Variants in SBF2 observed in about 807,000 individuals in gnomAD.
SBF2 encodes the protein myotubularin-related protein 13.
SBF2 carries 112 observed loss-of-function variants against 225.2 expected under a neutral mutation model. The observed-to-expected ratio is 0.50, with a 90% confidence interval of 0.43 to 0.58. SBF2 has a LOEUF of 0.58. Among genes scored for constraint, SBF2 ranks in the 20% least tolerant of loss-of-function variants. SBF2 has a pLI of 0.00. For synonymous variants in SBF2, 763 were observed against 773.3 expected (o/e 0.99, Z 0.22); for missense variants, 1,996 against 2,206.2 (o/e 0.90, Z 1.91).
intron 2 of SBF2, among the ~76,000 whole-genome samples, chr11:10,066,733 C>A (rs1950638011): frequency 6.6e-6 from 1 of 152,114 alleles, no homozygotes. Flanking sequence ...TCTTCTATCA[C>A]CACTTGTATT....
chr11:9,823,602 C>A (rs1017621509), intron 28 of SBF2, among the ~76,000 whole-genome samples: 1 of 151,906 alleles, frequency 6.6e-6, no homozygotes, highest in Non-Finnish European at 1.5e-5. Context: ...TACTGTGAGT[C>A]GGTACAAGGA....
At chr11:10,181,469 T>C (rs1956733099) in intron 2 of SBF2, among the ~76,000 whole-genome samples, 1 of 152,140 alleles carries the variant, frequency 6.6e-6, no homozygotes, top group South Asian at 2.1e-4. Flanking sequence ...AATTTCTACA[T>C]GCAGTTCAGA....
intron 8 of SBF2, among the ~76,000 whole-genome samples, chr11:10,000,424 T>C (rs1297315245): frequency 1.3e-5 from 2 of 152,200 alleles, no homozygotes; most frequent in African/African-American, 2.4e-5. Flanking sequence ...CTGGCTTGAA[T>C]ATAGAGTATA....
intron 16 of SBF2, among the ~76,000 whole-genome samples, chr11:9,911,980 C>T (rs1481825784): frequency 6.6e-6 from 1 of 152,198 alleles, no homozygotes; most frequent in Non-Finnish European, 1.5e-5. Context: ...TTCAATGTGC[C>T]CAACACAATT....
At chr11:9,813,213 TTTC>T (rs1330235141) in intron 29 of SBF2, among the ~76,000 whole-genome samples, 5 of 152,240 alleles carry the variant, frequency 3.3e-5, no homozygotes, top group Admixed American at 6.5e-5. Flanking sequence ...CACATATTTG[TTTC>T]TTATTATGCA....
chr11:10,203,547 G>GAA (rs1346882089), intron 1 of SBF2, among the ~76,000 whole-genome samples: 2 of 152,272 alleles, frequency 1.3e-5, no homozygotes, highest in African/African-American at 2.4e-5. Flanking sequence ...CAGCAATCAA[G>GAA]AGAGTAAAAT....
At chr11:10,253,118 C>CAAAAAAAAAAAAAAAAAA (rs546522229) in intron 1 of SBF2, among the ~76,000 whole-genome samples, 3 of 77,252 alleles carry the variant, frequency 3.9e-5, no homozygotes, top group Admixed American at 1.6e-4. Context: ...AGGTAAATAC[C>CAAAAAAAAAAAAAAAAAA]AAAAAAAAAA....
At chr11:10,052,423 C>T (rs1169159048) in intron 2 of SBF2, among the ~76,000 whole-genome samples, 4 of 152,160 alleles carry the variant, frequency 2.6e-5, no homozygotes, top group Non-Finnish European at 4.4e-5. Flanking sequence ...AACAACGTAT[C>T]TGGGAACAGG....
intron 6 of SBF2, among the ~76,000 whole-genome samples, chr11:10,027,175 G>A (rs191973543): frequency 1.3e-5 from 2 of 152,188 alleles, no homozygotes; most frequent in Admixed American, 1.3e-4. Context: ...TTGCATAGTA[G>A]ATATCTTGAA....
intron 2 of SBF2, among the ~76,000 whole-genome samples, chr11:10,146,325 T>A (rs1198856672): frequency 6.6e-6 from 1 of 152,108 alleles, no homozygotes; most frequent in African/African-American, 2.4e-5. Context: ...CAAACTATAC[T>A]ACAGGGCTAC....
intron 32 of SBF2, among the ~76,000 whole-genome samples, chr11:9,804,667 C>G (rs183187709): frequency 2.0e-5 from 3 of 152,118 alleles, no homozygotes; most frequent in Admixed American, 2.0e-4. Context: ...TGGTTTTGCC[C>G]TTTTTAGAAT....
At chr11:10,232,544 A>G (rs1436102187) in intron 1 of SBF2, among the ~76,000 whole-genome samples, 1 of 149,608 alleles carries the variant, frequency 6.7e-6, no homozygotes, top group Non-Finnish European at 1.5e-5. Context: ...TCTTTTTTAC[A>G]TTTTTATTTT....
intron 1 of SBF2, among the ~76,000 whole-genome samples, chr11:10,278,676 G>C (rs988113429): frequency 2.0e-5 from 3 of 151,820 alleles, no homozygotes; most frequent in Admixed American, 6.6e-5. Flanking sequence ...CCAGCTACTT[G>C]GGAGGTTGAG....
intron 23 of SBF2, 67 bp from the exon 24 acceptor site, chr11:9,845,807 A>T (rs747561041): frequency 3.5e-6 from 5 of 1,439,698 alleles, no homozygotes; most frequent in Non-Finnish European, 4.9e-6. Context: ...CCCCCAAACA[A>T]CAGAATATAA....
At position 9,789,223 on chromosome 11, in the gene SBF2, G is replaced by A. The variant is rs760444889; in HGVS notation, c.4818C>T (p.Ser1606=). Residue 1606 remains serine, a synonymous_variant, in exon 35 of 40, where the codon TCC becomes TCT. Coordinates refer to ENST00000256190, the MANE Select transcript of SBF2 (RefSeq NM_030962.4). ...CTTCTCCAGCCAGGTCAGAGTCTTC[G>A]GAGGGGAAGTGCTTGGGGGTTAGCA... ...WMMLTPKHFP[S]EDSDLAGEAG... is the part of the protein sequence containing the mutation. The A allele has an allele frequency of 2.7e-5, 43 of 1,614,042 alleles. No homozygotes were observed. Among genetic ancestry groups the A allele is most frequent in the East Asian group, 6.7e-5 (3 of 44,896 alleles).
At chr11:10,252,807 C>T (rs1285610258) in intron 1 of SBF2, among the ~76,000 whole-genome samples, 3 of 145,502 alleles carry the variant, frequency 2.1e-5, no homozygotes, top group Admixed American at 7.0e-5. Flanking sequence ...GGCAAAAATG[C>T]GAGACTCTGT....
intron 2 of SBF2, among the ~76,000 whole-genome samples, chr11:10,137,186 A>T (rs59829967): frequency 0.26 from 38,866 of 152,066 alleles, 5,133 homozygotes; most frequent in Middle Eastern, 0.32. Context: ...GTATTTTAAA[A>T]TTTTTCCACA....
chr11:10,172,851 A>G (rs954414463), intron 2 of SBF2, among the ~76,000 whole-genome samples: 2 of 152,040 alleles, frequency 1.3e-5, no homozygotes, highest in Non-Finnish European at 2.9e-5. Context: ...ATTTTTTAGT[A>G]GAGACAGGGT....
chr11:9,787,571 T>A, intron 36 of SBF2, 63 bp downstream of exon 36: 1 of 1,395,728 alleles, frequency 7.2e-7, no homozygotes, highest in Admixed American at 1.7e-5. Context: ...GGCAGCAGGC[T>A]CCACCTGACT....
Sources: allele counts gnomAD v4.1 joint callset (sites outside exome capture counted in the v4.1 genomes callset), GRCh38; gene constraint gnomAD v4.1.1; transcripts MANE v1.5; gene names NCBI Gene and HGNC (gene_info 2026-07-23, HGNC 2026-07-21).